Variants in SH3RF3 observed in about 807,000 individuals in gnomAD.
SH3RF3 encodes the protein E3 ubiquitin-protein ligase SH3RF3.
Under a neutral mutation model 66.3 loss-of-function variants are expected in SH3RF3, and 29 were observed. The ratio of observed to expected loss-of-function variants is 0.44; its 90% CI spans 0.33 to 0.60. The LOEUF is 0.60. Ranked by LOEUF, SH3RF3 falls within the 20% of genes least tolerant of loss-of-function variation. The probability of loss-of-function intolerance (pLI) is 0.04; values close to 1 mark genes in which losing one functional copy is unlikely to be tolerated. For synonymous variants in SH3RF3, 583 were observed against 532.0 expected (o/e 1.10, Z -1.32); for missense variants, 1,194 against 1,190.9 (o/e 1.00, Z -0.04).
intron 1 of SH3RF3, among the ~76,000 whole-genome samples, chr2:109,151,362 G>A (rs1677221420): frequency 6.6e-6 from 1 of 152,082 alleles, no homozygotes; most frequent in Admixed American, 6.5e-5. Context: ...AAAAGCTAAT[G>A]GTTTAACAGG....
intron 6 of SH3RF3, among the ~76,000 whole-genome samples, chr2:109,435,539 A>C (rs963194098): frequency 1.7e-4 from 26 of 152,140 alleles, no homozygotes; most frequent in Non-Finnish European, 1.6e-4. Context: ...GAGCATTGTG[A>C]GTCCATTTAA....
chr2:109,290,572 G>A (rs1004369510), intron 1 of SH3RF3, among the ~76,000 whole-genome samples: 1 of 152,218 alleles, frequency 6.6e-6, no homozygotes, highest in African/African-American at 2.4e-5. Flanking sequence ...CCCGCCCAAT[G>A]CCTATCATTT....
chr2:109,445,502 T>C (rs905424048), intron 7 of SH3RF3, among the ~76,000 whole-genome samples: 1 of 152,202 alleles, frequency 6.6e-6, no homozygotes, highest in East Asian at 1.9e-4. Flanking sequence ...TACACACTAT[T>C]TCAAAAATAT....
chr2:109,436,944 T>C lies in SH3RF3; in HGVS notation c.1626T>C (p.Ser542=). 1 of 1,613,768 alleles carries C rather than the reference T, an allele frequency of 6.2e-7. No homozygotes were observed. The highest frequency in any genetic ancestry group is 8.5e-7 in the Non-Finnish European group (1 of 1,179,874). The stretch of plus-strand genomic sequence containing the variant: ...CCCGGAATAATGTAGTCGGAGGGTC[T>C]CCACTGGCCAAAGGGATAACCACAA... ...GPPRNNVVGG[S]PLAKGITTTM... Residue 542 remains serine (S), a synonymous_variant, in exon 7 of 10, where the codon TCT becomes TCC. Coordinates refer to ENST00000309415, the MANE Select transcript of SH3RF3 (RefSeq NM_001099289.3).
intron 4 of SH3RF3, among the ~76,000 whole-genome samples, chr2:109,410,887 C>G (rs1421179592): frequency 6.6e-6 from 1 of 152,188 alleles, no homozygotes; most frequent in Non-Finnish European, 1.5e-5. Context: ...GGATGAACAT[C>G]TGTCTGAGGG....
At chr2:109,179,325 G>T (rs1227178236) in intron 1 of SH3RF3, among the ~76,000 whole-genome samples, 1 of 152,220 alleles carries the variant, frequency 6.6e-6, no homozygotes, top group East Asian at 1.9e-4. Context: ...TTTCAGAGCT[G>T]CTGACAGTGA....
chr2:109,221,588 A>G (rs1679244261), intron 1 of SH3RF3, among the ~76,000 whole-genome samples: 1 of 151,534 alleles, frequency 6.6e-6, no homozygotes, highest in Non-Finnish European at 1.5e-5. Context: ...TCTCAAAAAA[A>G]AAAAAAAAAA....
intron 5 of SH3RF3, among the ~76,000 whole-genome samples, chr2:109,430,888 A>G (rs1461237033): frequency 6.6e-6 from 1 of 152,228 alleles, no homozygotes; most frequent in African/African-American, 2.4e-5. Flanking sequence ...TGGAGCCCAC[A>G]GCATGTCCCT....
chr2:109,269,488 G>C (rs1306401431), intron 1 of SH3RF3, among the ~76,000 whole-genome samples: 2 of 152,216 alleles, frequency 1.3e-5, no homozygotes, highest in African/African-American at 4.8e-5. Flanking sequence ...GTGCTTAAAA[G>C]ATAGTTGCCA....
chr2:109,231,772 A>G (rs1162175701), intron 1 of SH3RF3, among the ~76,000 whole-genome samples: 1 of 152,238 alleles, frequency 6.6e-6, no homozygotes, highest in Admixed American at 6.5e-5. Flanking sequence ...GTTGTGTTGG[A>G]TCTTCTATTC....
chr2:109,479,272 A>G (rs1678770554), intron 8 of SH3RF3, among the ~76,000 whole-genome samples: 1 of 152,086 alleles, frequency 6.6e-6, no homozygotes, highest in Non-Finnish European at 1.5e-5. Flanking sequence ...CAGGGTGGGG[A>G]CACGGTCCTG....
At chr2:109,274,359 G>C (rs1003550844) in intron 1 of SH3RF3, among the ~76,000 whole-genome samples, 2 of 152,220 alleles carry the variant, frequency 1.3e-5, no homozygotes, top group African/African-American at 2.4e-5. Context: ...TATTTACACA[G>C]TAGCGAAAAG....
At chr2:109,288,848 A>G (rs1045409593) in intron 1 of SH3RF3, among the ~76,000 whole-genome samples, 6 of 152,042 alleles carry the variant, frequency 3.9e-5, no homozygotes, top group Non-Finnish European at 8.8e-5. Context: ...CTTTATGCCC[A>G]TGTGGTAGAA....
chr2:109,201,557 C>T (rs886447519), intron 1 of SH3RF3, among the ~76,000 whole-genome samples: 4 of 152,170 alleles, frequency 2.6e-5, no homozygotes, highest in Non-Finnish European at 4.4e-5. Context: ...GGAAGTTGCT[C>T]TCCTCCTCTT....
chr2:109,445,799 A>C (rs1449780339), intron 7 of SH3RF3, among the ~76,000 whole-genome samples: 3 of 152,114 alleles, frequency 2.0e-5, no homozygotes, highest in Non-Finnish European at 2.9e-5. Context: ...TCATCCCTGA[A>C]GTGGGAAGCG....
chr2:109,393,507 G>A (rs1676058320), intron 3 of SH3RF3, among the ~76,000 whole-genome samples: 1 of 152,174 alleles, frequency 6.6e-6, no homozygotes, highest in Admixed American at 6.5e-5. Flanking sequence ...GCAGGTCTTT[G>A]AGCAGAGCCC....
chr2:109,381,451 A>G (rs1000553461), intron 3 of SH3RF3, among the ~76,000 whole-genome samples: 7 of 152,110 alleles, frequency 4.6e-5, no homozygotes, highest in Admixed American at 1.3e-4. Flanking sequence ...AATCCTACGG[A>G]GACAGAGTTC....
intron 1 of SH3RF3, among the ~76,000 whole-genome samples, chr2:109,204,618 T>A (rs534405145): frequency 7.4e-4 from 113 of 152,338 alleles, no homozygotes; most frequent in Admixed American, 1.2e-3. Flanking sequence ...CGCCACCTAC[T>A]CCACCACCAG....
At chr2:109,141,741 G>A (rs1029805209) in intron 1 of SH3RF3, among the ~76,000 whole-genome samples, 5 of 152,104 alleles carry the variant, frequency 3.3e-5, no homozygotes, top group African/African-American at 4.8e-5. Flanking sequence ...TCTAGACCCC[G>A]GGGAACAAGT....
Sources: gnomAD v4.1 joint callset for allele counts (sites outside exome capture counted in the v4.1 genomes callset) on GRCh38, gnomAD v4.1.1 for gene constraint, MANE v1.5 for transcripts, NCBI Gene and HGNC (gene_info 2026-07-23, HGNC 2026-07-21) for gene names.